The following TMEFF2 variants were observed in gnomAD, a reference collection of about 807,000 sequenced individuals.
TMEFF2 encodes the protein tomoregulin-2.
A neutral mutation model predicts 53.8 loss-of-function variants in TMEFF2; 28 were observed. The observed-to-expected ratio is 0.52, with a 90% CI of 0.39 to 0.71. The LOEUF (loss-of-function observed/expected upper bound fraction) is 0.71, where lower values mean the gene tolerates loss of function less well. TMEFF2 is among the 30% of genes least tolerant of loss of function. The pLI, the probability that TMEFF2 is intolerant of heterozygous loss-of-function variation, is 0.00. For synonymous variants in TMEFF2, 162 were observed against 166.3 expected (o/e 0.97, Z 0.20); for missense variants, 353 against 455.2 (o/e 0.78, Z 2.04).
intron 7 of TMEFF2, among the ~76,000 whole-genome samples, chr2:191,982,630 T>C (rs1559071376): frequency 6.6e-6 from 1 of 152,158 alleles, no homozygotes; most frequent in Non-Finnish European, 1.5e-5. Context: ...CTAGCTAGTT[T>C]TAGAAGTTAT....
intron 5 of TMEFF2, among the ~76,000 whole-genome samples, chr2:192,001,358 A>C (rs1686353904): frequency 6.6e-6 from 1 of 152,058 alleles, no homozygotes; most frequent in Non-Finnish European, 1.5e-5. Context: ...TATATATTTT[A>C]CATTTTTATT....
At chr2:192,063,063 C>T (rs2105908787) in intron 4 of TMEFF2, among the ~76,000 whole-genome samples, 1 of 149,660 alleles carries the variant, frequency 6.7e-6, no homozygotes, top group Admixed American at 6.7e-5. Flanking sequence ...GATTTCTGTT[C>T]TTTTTATTAT....
intron 4 of TMEFF2, among the ~76,000 whole-genome samples, chr2:192,123,305 T>C (rs1370686382): frequency 6.6e-6 from 1 of 152,202 alleles, no homozygotes; most frequent in Non-Finnish European, 1.5e-5. Context: ...CTAATTTGAT[T>C]TTCTCCTACT....
chr2:192,150,240 G>C lies in TMEFF2; in HGVS notation c.439+29428C>G, dbSNP rs371339809. Among the ~76,000 whole-genome samples, 6 of 151,878 alleles carry C rather than the reference G, an allele frequency of 4.0e-5. No individual in the cohort carries two copies. The East Asian group carries it at 9.7e-4, about 24-fold the overall frequency. On this transcript the variant is annotated intron_variant, in intron 4 of 9. Coordinates refer to ENST00000272771, the MANE Select transcript of TMEFF2 (RefSeq NM_016192.4). ...CTAAAAAAATATACAAACAAGGATA[G>C]TGACACACAAGAATTGTTATTAAAA...
At chr2:192,182,466 T>A (rs564124721) in intron 3 of TMEFF2, among the ~76,000 whole-genome samples, 2 of 152,022 alleles carry the variant, frequency 1.3e-5, no homozygotes, top group African/African-American at 4.8e-5. Context: ...GAGCTAAAGA[T>A]GGATTACTCG....
intron 4 of TMEFF2, among the ~76,000 whole-genome samples, chr2:192,105,436 C>G (rs1689123706): frequency 6.6e-6 from 1 of 151,850 alleles, no homozygotes; most frequent in Non-Finnish European, 1.5e-5. Flanking sequence ...TTGGAAGGCA[C>G]TGAGCAATTT....
At chr2:192,089,539 G>A (rs947414426) in intron 4 of TMEFF2, among the ~76,000 whole-genome samples, 3 of 152,066 alleles carry the variant, frequency 2.0e-5, no homozygotes, top group Non-Finnish European at 4.4e-5. Flanking sequence ...CAGTCTTCAT[G>A]TATTTCTCCA....
At chr2:192,179,034 T>TTCTC (rs10580365) in intron 4 of TMEFF2, 9 of 149,694 alleles carry the variant, frequency 6.0e-5, no homozygotes, top group African/African-American at 2.0e-4. Context: ...CTTTTAAAGT[T>TTCTC]TCTCTCTCTC....
intron 4 of TMEFF2, among the ~76,000 whole-genome samples, chr2:192,138,418 AAGG>A (rs775688120): frequency 1.3e-5 from 2 of 152,206 alleles, no homozygotes; most frequent in Admixed American, 1.3e-4. Flanking sequence ...CTTTAGTGAG[AAGG>A]AGAATTATCT....
chr2:192,191,614 G>C (rs1691462374), intron 2 of TMEFF2, among the ~76,000 whole-genome samples: 1 of 152,118 alleles, frequency 6.6e-6, no homozygotes, highest in African/African-American at 2.4e-5. Context: ...AGAAGGGTCA[G>C]AGAAACATAA....
At chr2:192,117,000 C>G (rs1344941366) in intron 4 of TMEFF2, among the ~76,000 whole-genome samples, 1 of 151,978 alleles carries the variant, frequency 6.6e-6, no homozygotes, top group Admixed American at 6.6e-5. Context: ...TCATTGTTAT[C>G]TAACAGCACC....
At position 192,000,012 on chromosome 2, in the gene TMEFF2, A is replaced by G. The variant is rs115564399; in HGVS notation, c.537-804T>C. ...TTTTCTATAATCTAAATAAAAATTC[A>G]GTGATTTAATGAGAATTAGGTTACC... On this transcript the variant is annotated intron_variant, in intron 5 of 9. Coordinates refer to ENST00000272771, the MANE Select transcript of TMEFF2 (RefSeq NM_016192.4). 8.8e-3 allele frequency among the ~76,000 whole-genome samples: 1,345 copies of G among 152,192 alleles called. 31 individuals carry two copies. Among genetic ancestry groups the G allele is most frequent in the African/African-American group, 0.031 (1,267 of 41,534 alleles).
intron 4 of TMEFF2, among the ~76,000 whole-genome samples, chr2:192,089,900 G>A (rs1439691169): frequency 6.6e-6 from 1 of 152,066 alleles, no homozygotes; most frequent in Non-Finnish European, 1.5e-5. Context: ...GGTCTTATCT[G>A]TTCCCCTCAT....
intron 7 of TMEFF2, among the ~76,000 whole-genome samples, chr2:191,997,873 T>C (rs1456159792): frequency 6.6e-6 from 1 of 151,916 alleles, no homozygotes; most frequent in Admixed American, 6.6e-5. Context: ...TTTTAGAGAC[T>C]AGCAAACTTT....
intron 5 of TMEFF2, among the ~76,000 whole-genome samples, chr2:192,025,147 G>A (rs974094191): frequency 1.3e-5 from 2 of 152,214 alleles, no homozygotes; most frequent in African/African-American, 4.8e-5. Context: ...GCTATATCAA[G>A]CATTGTGTTG....
chr2:192,123,371 G>C (rs1360175230), intron 4 of TMEFF2, among the ~76,000 whole-genome samples: 1 of 151,910 alleles, frequency 6.6e-6, no homozygotes. Flanking sequence ...TGAGGTAATC[G>C]ATCTAGATTA....
chr2:192,119,428 A>G (rs1179811710), intron 4 of TMEFF2, among the ~76,000 whole-genome samples: 1 of 152,204 alleles, frequency 6.6e-6, no homozygotes, highest in East Asian at 1.9e-4. Context: ...AGACTTACAT[A>G]AATTCATGAG....
At chr2:192,048,502 G>A (rs1358311050) in intron 5 of TMEFF2, among the ~76,000 whole-genome samples, 1 of 151,026 alleles carries the variant, frequency 6.6e-6, no homozygotes, top group Non-Finnish European at 1.5e-5. Flanking sequence ...TGGAATGTGT[G>A]TATTTATATT....
intron 4 of TMEFF2, among the ~76,000 whole-genome samples, chr2:192,066,257 C>G (rs1688167600): frequency 1.3e-5 from 2 of 151,842 alleles, no homozygotes; most frequent in Non-Finnish European, 2.9e-5. Context: ...GTATCAGTGT[C>G]ATAGTGCAGT....
Sources: allele counts gnomAD v4.1 joint callset (sites outside exome capture counted in the v4.1 genomes callset), GRCh38; gene constraint gnomAD v4.1.1; transcripts MANE v1.5; gene names NCBI Gene and HGNC (gene_info 2026-07-23, HGNC 2026-07-21).